Variants in MAN1A2 observed in about 807,000 individuals in gnomAD.
The protein encoded by MAN1A2 is mannosidase alpha class 1A member 2.
Under a neutral mutation model 75.7 loss-of-function variants are expected in MAN1A2, and 26 were observed. The ratio of observed to expected loss-of-function variants is 0.34; its 90% confidence interval spans 0.25 to 0.48. The LOEUF (loss-of-function observed/expected upper bound fraction) is 0.48, where lower values mean the gene tolerates loss of function less well. Ranked by LOEUF, MAN1A2 falls within the 20% of genes least tolerant of loss-of-function variation. The pLI is 0.99. For missense variants in MAN1A2, 562 were observed against 775.5 expected (o/e 0.72, Z 3.27); for synonymous variants, 247 against 264.6 (o/e 0.93, Z 0.65).
intron 12 of MAN1A2, among the ~76,000 whole-genome samples, chr1:117,513,715 T>C (rs1428427983): frequency 6.6e-6 from 1 of 152,068 alleles, no homozygotes; most frequent in Non-Finnish European, 1.5e-5. Flanking sequence ...AAAGCAGAAA[T>C]GTAGGAGCTA....
chr1:117,419,854 A>G (rs909399986), intron 4 of MAN1A2, among the ~76,000 whole-genome samples: 2 of 151,920 alleles, frequency 1.3e-5, no homozygotes, highest in African/African-American at 4.8e-5. Flanking sequence ...GGTAATTTGC[A>G]TTTTAGAAAA....
chr1:117,390,643 C>T (rs1228353081), intron 1 of MAN1A2, among the ~76,000 whole-genome samples: 1 of 151,516 alleles, frequency 6.6e-6, no homozygotes, highest in East Asian at 1.9e-4. Context: ...TATTTTCTTT[C>T]TTCTTCTAAC....
At chr1:117,392,420 T>C (rs1415941704) in intron 1 of MAN1A2, among the ~76,000 whole-genome samples, 4 of 152,174 alleles carry the variant, frequency 2.6e-5, no homozygotes, top group Admixed American at 1.3e-4. Context: ...CATATACTTG[T>C]ATGGTTAACA....
intron 1 of MAN1A2, among the ~76,000 whole-genome samples, chr1:117,391,364 A>G (rs570359748): frequency 1.3e-5 from 2 of 152,154 alleles, no homozygotes; most frequent in South Asian, 4.1e-4. Flanking sequence ...TTCTATTTTG[A>G]TCAGTTATTG....
intron 5 of MAN1A2, among the ~76,000 whole-genome samples, chr1:117,435,938 A>G (rs2101804401): frequency 6.6e-6 from 1 of 152,150 alleles, no homozygotes; most frequent in African/African-American, 2.4e-5. Context: ...GATGCCTGTA[A>G]TCCTGGCTAC....
chr1:117,510,556 T>C (rs1651504835), intron 12 of MAN1A2, among the ~76,000 whole-genome samples: 1 of 152,082 alleles, frequency 6.6e-6, no homozygotes, highest in African/African-American at 2.4e-5. Flanking sequence ...ACAGTTTCAG[T>C]GTTTGCTCAT....
At chr1:117,403,477 C>T (rs1423963657) in intron 2 of MAN1A2, among the ~76,000 whole-genome samples, 2 of 152,006 alleles carry the variant, frequency 1.3e-5, no homozygotes, top group Non-Finnish European at 2.9e-5. Flanking sequence ...TTACAATGTA[C>T]TGAAATACTT....
At chr1:117,480,385 G>T (rs999721142) in intron 8 of MAN1A2, among the ~76,000 whole-genome samples, 1 of 151,732 alleles carries the variant, frequency 6.6e-6, no homozygotes, top group Non-Finnish European at 1.5e-5. Context: ...GACTCACCTT[G>T]TTTGTTTTCC....
intron 5 of MAN1A2, among the ~76,000 whole-genome samples, chr1:117,437,090 C>T (rs1046627511): frequency 3.9e-5 from 6 of 152,092 alleles, no homozygotes; most frequent in Non-Finnish European, 5.9e-5. Context: ...TAAGGGTACT[C>T]GTGCTCTCTC....
At chr1:117,383,960 G>T (rs907796139) in intron 1 of MAN1A2, among the ~76,000 whole-genome samples, 12 of 152,042 alleles carry the variant, frequency 7.9e-5, no homozygotes, top group African/African-American at 2.9e-4. Context: ...TTTCTGTAAG[G>T]TCAGCTGCAG....
chr1:117,468,908 C>T (rs1650056638), intron 8 of MAN1A2, among the ~76,000 whole-genome samples: 1 of 151,982 alleles, frequency 6.6e-6, no homozygotes, highest in Admixed American at 6.6e-5. Flanking sequence ...TGTTACTATC[C>T]AGATTTGATT....
chr1:117,398,352 A>G (rs1262037089), intron 1 of MAN1A2, among the ~76,000 whole-genome samples: 1 of 152,138 alleles, frequency 6.6e-6, no homozygotes, highest in Non-Finnish European at 1.5e-5. Flanking sequence ...GGGGCTATTG[A>G]TGGGAAAGAA....
At chr1:117,504,028 C>A (rs1470885796) in intron 12 of MAN1A2, among the ~76,000 whole-genome samples, 1 of 151,252 alleles carries the variant, frequency 6.6e-6, no homozygotes, top group East Asian at 1.9e-4. Flanking sequence ...TCCATTTCTA[C>A]AATTTACCCT....
intron 1 of MAN1A2, among the ~76,000 whole-genome samples, chr1:117,370,651 C>T (rs568123065): frequency 6.6e-6 from 1 of 152,070 alleles, no homozygotes; most frequent in African/African-American, 2.4e-5. Context: ...AGCACTTTTA[C>T]AGTTGGTACT....
At chr1:117,429,740 C>T (rs1329186160) in intron 5 of MAN1A2, among the ~76,000 whole-genome samples, 3 of 102,362 alleles carry the variant, frequency 2.9e-5, no homozygotes, top group Non-Finnish European at 4.1e-5. Flanking sequence ...CCGGACGGGG[C>T]GGCTGGCCGG....
At chr1:117,469,018 C>T (rs1024901577) in intron 8 of MAN1A2, among the ~76,000 whole-genome samples, 1 of 152,058 alleles carries the variant, frequency 6.6e-6, no homozygotes, top group Non-Finnish European at 1.5e-5. Context: ...AAAAGTAAAT[C>T]ACAGTTTGAG....
rs372883582 is a variant in MAN1A2, at chr1:117,489,755, T to C, written c.1169-3392T>C. On this transcript the variant is annotated intron_variant, in intron 8 of 12. Coordinates refer to ENST00000356554, the MANE Select transcript of MAN1A2 (RefSeq NM_006699.5). ...AACTTATTCTTTTGCATTTTACTTTTAAATGATTAATCATCCACAAGTGTG... is the reference window on the plus strand; with the variant it reads ...AACTTATTCTTTTGCATTTTACTTTCAAATGATTAATCATCCACAAGTGTG... Among the ~76,000 whole-genome samples the C allele has an allele frequency of 1.1e-4, 16 of 152,186 alleles. No individual in the cohort carries two copies. The South Asian group carries it at 3.1e-3, about 30-fold the overall frequency.
chr1:117,465,950 A>G (rs890533700), intron 7 of MAN1A2, among the ~76,000 whole-genome samples: 5 of 152,156 alleles, frequency 3.3e-5, no homozygotes, highest in African/African-American at 9.6e-5. Flanking sequence ...TTATGATTCA[A>G]TTCCTGTGAA....
At chr1:117,369,016 T>C (rs552659060) in intron 1 of MAN1A2, among the ~76,000 whole-genome samples, 1 of 152,360 alleles carries the variant, frequency 6.6e-6, no homozygotes, top group African/African-American at 2.4e-5. Context: ...TGTCATTTCT[T>C]AACGTGAAAA....
Sources: gnomAD v4.1 joint callset for allele counts (sites outside exome capture counted in the v4.1 genomes callset) on GRCh38, gnomAD v4.1.1 for gene constraint, MANE v1.5 for transcripts, NCBI Gene and HGNC (gene_info 2026-07-23, HGNC 2026-07-21) for gene names.